The following SV2C variants were observed in gnomAD, a reference collection of about 807,000 sequenced individuals.
SV2C encodes the protein solute carrier family 22 member B3.
Under a neutral mutation model 79.7 loss-of-function variants are expected in SV2C, and 49 were observed. The observed-to-expected ratio is 0.61, with a 90% CI of 0.49 to 0.78. The LOEUF is 0.78. Ranked by LOEUF, SV2C falls within the 30% of genes least tolerant of loss-of-function variation. The pLI is 0.00. For missense variants in SV2C, 833 were observed against 912.9 expected (o/e 0.91, Z 1.13); for synonymous variants, 334 against 333.2 (o/e 1.00, Z -0.03).
intron 4 of SV2C, among the ~76,000 whole-genome samples, chr5:76,282,970 C>G (rs576360862): frequency 6.6e-6 from 1 of 152,262 alleles, no homozygotes; most frequent in East Asian, 1.9e-4. Flanking sequence ...CGAGATCATG[C>G]CACTGCCCTC....
At chr5:76,339,551 A>G (rs1405635844) in intron 12 of SV2C, among the ~76,000 whole-genome samples, 3 of 152,184 alleles carry the variant, frequency 2.0e-5, no homozygotes, top group South Asian at 2.1e-4. Flanking sequence ...TGTCTCTACT[A>G]AAAATACAAA....
chr5:75,959,198 T>C, the SV2C span, among the ~76,000 whole-genome samples: 1 of 151,978 alleles, frequency 6.6e-6, no homozygotes, highest in South Asian at 2.1e-4. Context: ...ACTTGTACCC[T>C]GAGAACAAGC....
chr5:76,321,775 G>T (rs530428248), intron 12 of SV2C, among the ~76,000 whole-genome samples: 46 of 150,158 alleles, frequency 3.1e-4, no homozygotes, highest in Non-Finnish European at 3.4e-4. Context: ...TAAGTTTTCT[G>T]CCTAGAAGAT....
chr5:75,953,800 A>G, the SV2C span, among the ~76,000 whole-genome samples: 13 of 151,738 alleles, frequency 8.6e-5, no homozygotes, highest in African/African-American at 3.1e-4. Flanking sequence ...TTAAGCTTCA[A>G]TTTTCCATGA....
At chr5:76,129,921 GTTTAT>G (rs1343428493) in intron 1 of SV2C, among the ~76,000 whole-genome samples, 2 of 152,064 alleles carry the variant, frequency 1.3e-5, no homozygotes, top group Non-Finnish European at 2.9e-5. Context: ...TAGGATGGCA[GTTTAT>G]TTTATTTATT....
At chr5:76,080,161 C>T (rs1746963442), upstream of SV2C, among the ~76,000 whole-genome samples, 3 of 150,328 alleles carry the variant, frequency 2.0e-5, no homozygotes, top group African/African-American at 4.9e-5. Context: ...TTTCTTTCAC[C>T]CAATATTGAC....
chr5:76,061,744 T>C, the SV2C span, among the ~76,000 whole-genome samples: 2 of 152,220 alleles, frequency 1.3e-5, no homozygotes, highest in Non-Finnish European at 2.9e-5. Context: ...TGCAGAATTA[T>C]AGAGTATTTA....
chr5:75,877,104 A>G, the SV2C span, among the ~76,000 whole-genome samples: 4 of 152,060 alleles, frequency 2.6e-5, no homozygotes, highest in Non-Finnish European at 4.4e-5. Context: ...ATGTAAAAAG[A>G]CATATTATCA....
chr5:75,972,040 A>T, the SV2C span, among the ~76,000 whole-genome samples: 1 of 152,124 alleles, frequency 6.6e-6, no homozygotes, highest in East Asian at 1.9e-4. Flanking sequence ...CAACTATCTG[A>T]TCTTTGACAA....
intron 8 of SV2C, among the ~76,000 whole-genome samples, chr5:76,293,543 T>C (rs1192572634): frequency 1.3e-5 from 2 of 152,162 alleles, no homozygotes; most frequent in Non-Finnish European, 2.9e-5. Context: ...TCCAAGGTAA[T>C]GTGCCCTCCT....
chr5:76,071,510 G>A, the SV2C span, among the ~76,000 whole-genome samples: 1 of 152,182 alleles, frequency 6.6e-6, no homozygotes, highest in African/African-American at 2.4e-5. Context: ...TATCAGGGAA[G>A]AGCTGTAGTC....
At chr5:76,111,228 C>G (rs1748087305) in intron 1 of SV2C, among the ~76,000 whole-genome samples, 1 of 151,928 alleles carries the variant, frequency 6.6e-6, no homozygotes, top group Admixed American at 6.6e-5. Context: ...GAAGCAGAAT[C>G]TATCAGATCT....
chr5:76,353,107 AT>A lies in SV2C; in HGVS notation c.2001-17del, dbSNP rs925589698. The A allele has an allele frequency of 4.7e-5, 16 of 337,046 alleles. No individual in the cohort carries two copies. The African/African-American group carries it at 4.8e-4, about 10-fold the overall frequency. The allele number at this position is 337,046 out of a possible 1,614,324, so 20.9% of individuals were successfully genotyped here. A position where few individuals can be genotyped will look rare whatever the true frequency, so the allele number is the denominator to read the frequency against. ...AGGTGGGAGCCACCATGCCCAGCTA[AT>A]TTTTTAATTTTTTTTTTGTAGACGC... On this transcript the variant is annotated intron_variant, in intron 12 of 12. Coordinates refer to the SV2C transcript ENST00000322285.
the SV2C span, chr5:75,921,537 T>C: frequency 1.1e-5 from 9 of 834,368 alleles, no homozygotes; most frequent in Admixed American, 5.2e-5. Flanking sequence ...GGGGAGATGA[T>C]TGAAGGCATG....
At chr5:76,129,232 T>C (rs1489902501) in intron 1 of SV2C, among the ~76,000 whole-genome samples, 4 of 152,188 alleles carry the variant, frequency 2.6e-5, no homozygotes, top group African/African-American at 9.7e-5. Context: ...AACATCTAAT[T>C]TTATATAGCA....
chr5:76,053,990 G>A, the SV2C span, among the ~76,000 whole-genome samples: 2 of 151,858 alleles, frequency 1.3e-5, no homozygotes, highest in African/African-American at 4.8e-5. Context: ...TGTTGTTGTT[G>A]TTTTACTTTA....
At chr5:76,164,571 G>C (rs1441030169) in intron 2 of SV2C, among the ~76,000 whole-genome samples, 2 of 152,176 alleles carry the variant, frequency 1.3e-5, no homozygotes, top group African/African-American at 4.8e-5. Context: ...GACTAAGCTG[G>C]TTTTTGGTCT....
At chr5:76,126,061 AC>A (rs1310545006) in intron 1 of SV2C, among the ~76,000 whole-genome samples, 1 of 152,090 alleles carries the variant, frequency 6.6e-6, no homozygotes, top group African/African-American at 2.4e-5. Context: ...CAAAAAACAA[AC>A]AAAAAACCCA....
the SV2C span, among the ~76,000 whole-genome samples, chr5:75,861,894 A>G: frequency 1.3e-5 from 2 of 152,178 alleles, no homozygotes; most frequent in Non-Finnish European, 1.5e-5. Flanking sequence ...TGATGAGTTC[A>G]ATCACACCCC....
Sources: allele counts gnomAD v4.1 joint callset (sites outside exome capture counted in the v4.1 genomes callset), GRCh38; gene constraint gnomAD v4.1.1; transcripts MANE v1.5; gene names NCBI Gene and HGNC (gene_info 2026-07-23, HGNC 2026-07-21).